Variants in SMURF2 observed in about 807,000 individuals in gnomAD.
The protein encoded by SMURF2 is SMAD specific E3 ubiquitin protein ligase 2, also known as E3 ubiquitin-protein ligase SMURF2.
SMURF2 carries 48 observed loss-of-function variants against 109.6 expected under a neutral mutation model. The ratio of observed to expected loss-of-function variants is 0.44; its 90% CI spans 0.35 to 0.56. The LOEUF is 0.56. Among genes scored for constraint, SMURF2 ranks in the 20% least tolerant of loss-of-function variants. The pLI, the probability that SMURF2 is intolerant of heterozygous loss-of-function variation, is 0.01. For missense variants in SMURF2, 575 were observed against 909.0 expected (o/e 0.63, Z 4.72); for synonymous variants, 288 against 317.1 (o/e 0.91, Z 0.97).
intron 2 of SMURF2, among the ~76,000 whole-genome samples, chr17:64,606,066 T>A (rs1463056303): frequency 5.3e-5 from 8 of 151,272 alleles, no homozygotes; most frequent in Admixed American, 1.3e-4. Flanking sequence ...GAAAAAAAAA[T>A]TACAACAGAT....
At chr17:64,601,694 C>G (rs1414065572) in intron 2 of SMURF2, among the ~76,000 whole-genome samples, 1 of 152,018 alleles carries the variant, frequency 6.6e-6, no homozygotes, top group Non-Finnish European at 1.5e-5. Context: ...AATCCCACTA[C>G]TAGGTATTAA....
intron 10 of SMURF2, among the ~76,000 whole-genome samples, chr17:64,570,263 C>T (rs1034057126): frequency 1.3e-5 from 2 of 152,136 alleles, no homozygotes; most frequent in African/African-American, 4.8e-5. Context: ...AACATTTTAA[C>T]ATACATAAGA....
intron 1 of SMURF2, among the ~76,000 whole-genome samples, chr17:64,659,471 C>G (rs1179211843): frequency 2.0e-5 from 3 of 149,836 alleles, no homozygotes; most frequent in South Asian, 4.2e-4. Flanking sequence ...AACACTTAGT[C>G]TAAAGGTATG....
chr17:64,550,690 G>T (rs1323114600), intron 16 of SMURF2, among the ~76,000 whole-genome samples: 1 of 145,310 alleles, frequency 6.9e-6, no homozygotes, highest in Non-Finnish European at 1.5e-5. Flanking sequence ...TGAGGCAGGA[G>T]AATCACTTGA....
intron 1 of SMURF2, among the ~76,000 whole-genome samples, chr17:64,618,915 T>C (rs1555690327): frequency 6.6e-6 from 1 of 152,154 alleles, no homozygotes; most frequent in East Asian, 1.9e-4. Flanking sequence ...TCAGAATGCA[T>C]GGGTTTGAAC....
intron 10 of SMURF2, among the ~76,000 whole-genome samples, chr17:64,566,279 T>C (rs1220149441): frequency 1.3e-5 from 2 of 151,856 alleles, no homozygotes; most frequent in East Asian, 3.8e-4. Context: ...TTGTTTCTTA[T>C]GTATCTCAAT....
intron 1 of SMURF2, among the ~76,000 whole-genome samples, chr17:64,636,602 CAAAAAAAAA>C (rs782425202): frequency 1.3e-4 from 5 of 38,746 alleles, no homozygotes; most frequent in East Asian, 7.7e-4. Flanking sequence ...GACTCTGCCT[CAAAAAAAAA>C]AAAAAAAAAA....
At chr17:64,575,288 G>A (rs955884749) in intron 9 of SMURF2, among the ~76,000 whole-genome samples, 8 of 151,704 alleles carry the variant, frequency 5.3e-5, no homozygotes, top group African/African-American at 1.9e-4. Flanking sequence ...TGAGTAGCTG[G>A]GATTACAGGC....
chr17:64,546,389 C>T, intron 17 of SMURF2, 51 bp from the exon 18 acceptor site: 1 of 1,517,944 alleles, frequency 6.6e-7, no homozygotes, highest in South Asian at 1.1e-5. Flanking sequence ...GTGCATTAGT[C>T]TCCAAAATCT....
intron 1 of SMURF2, among the ~76,000 whole-genome samples, chr17:64,647,578 G>A (rs1970575631): frequency 6.6e-6 from 1 of 151,918 alleles, no homozygotes; most frequent in Non-Finnish European, 1.5e-5. Flanking sequence ...TTACTCCGGA[G>A]GCTGATGAAG....
chr17:64,648,155 A>T (rs1970586864), intron 1 of SMURF2, among the ~76,000 whole-genome samples: 1 of 150,184 alleles, frequency 6.7e-6, no homozygotes, highest in Non-Finnish European at 1.5e-5. Context: ...ATAGAACTCT[A>T]AAAAAAAATG....
At chr17:64,606,350 T>C (rs1969970398) in intron 2 of SMURF2, among the ~76,000 whole-genome samples, 1 of 152,112 alleles carries the variant, frequency 6.6e-6, no homozygotes, top group Admixed American at 6.5e-5. Context: ...ACATCTGCAT[T>C]TACACACCTG....
chr17:64,589,701 C>T (rs1384162502), intron 5 of SMURF2, among the ~76,000 whole-genome samples: 1 of 151,896 alleles, frequency 6.6e-6, no homozygotes, highest in African/African-American at 2.4e-5. Flanking sequence ...CACTGTCTCC[C>T]ATCACCCACA....
In SMURF2 at chr17:64,616,694, C is replaced by T. The variant is rs372195433; in HGVS notation, c.53-10054G>A. On this transcript the variant is annotated intron_variant, in intron 1 of 18. Transcript: ENST00000262435. ...AAGAACTAGAGCTGAGATTCCAACTCAAGTAGATTAATTCTAGAACCCAAA... is the reference window on the plus strand; with the variant it reads ...AAGAACTAGAGCTGAGATTCCAACTTAAGTAGATTAATTCTAGAACCCAAA... Among the ~76,000 whole-genome samples the T allele has an allele frequency of 1.5e-3, 222 of 151,400 alleles. 2 individuals are homozygous for T. In the South Asian group the frequency reaches 0.044, roughly 30 times the overall value.
At chr17:64,620,912 C>T (rs1271470715) in intron 1 of SMURF2, among the ~76,000 whole-genome samples, 1 of 152,124 alleles carries the variant, frequency 6.6e-6, no homozygotes, top group Non-Finnish European at 1.5e-5. Flanking sequence ...TCCTTGTTTC[C>T]CCTAACCTAG....
intron 1 of SMURF2, among the ~76,000 whole-genome samples, chr17:64,635,335 TAAATA>T (rs1315283929): frequency 2.0e-5 from 3 of 151,978 alleles, no homozygotes; most frequent in Non-Finnish European, 2.9e-5. Context: ...TCAAAATAAA[TAAATA>T]AATAATAAAA....
rs539041751 is a variant in SMURF2, at chr17:64,616,329, A to G, written c.53-9689T>C. Among the ~76,000 whole-genome samples the G allele has an allele frequency of 1.2e-4, 19 of 152,266 alleles. No individual in the cohort carries two copies. The East Asian group carries it at 3.5e-3, about 28-fold the overall frequency. Reference sequence around the variant, plus strand: ...GAGATGAGGAAACTGAGATTCAGGCATAGAGACTTACCAGTGATTTTGCTT... The same window carrying G: ...GAGATGAGGAAACTGAGATTCAGGCGTAGAGACTTACCAGTGATTTTGCTT... On this transcript the variant is annotated intron_variant, in intron 1 of 18. Coordinates refer to ENST00000262435, the MANE Select transcript of SMURF2 (RefSeq NM_022739.4).
chr17:64,594,765 T>TG, intron 3 of SMURF2, among the ~76,000 whole-genome samples: 1 of 152,150 alleles, frequency 6.6e-6, no homozygotes, highest in South Asian at 2.1e-4. Context: ...GGCAGGCAGA[T>TG]CACCAGAGGA....
intron 1 of SMURF2, among the ~76,000 whole-genome samples, chr17:64,616,272 G>A (rs782573525): frequency 9.9e-5 from 15 of 152,152 alleles, no homozygotes; most frequent in Non-Finnish European, 1.3e-4. Flanking sequence ...CAACCACCCT[G>A]TGAAATAAGT....
Sources: gnomAD v4.1 joint callset for allele counts (sites outside exome capture counted in the v4.1 genomes callset) on GRCh38, gnomAD v4.1.1 for gene constraint, MANE v1.5 for transcripts, NCBI Gene and HGNC (gene_info 2026-07-23, HGNC 2026-07-21) for gene names.